Variants in CMSS1 observed in about 807,000 individuals in gnomAD.
The protein encoded by CMSS1 is protein CMSS1.
CMSS1 carries 33 observed loss-of-function variants against 43.5 expected under a neutral mutation model. That is an observed-to-expected ratio of 0.76 (90% CI 0.57 to 1.01). CMSS1 has a LOEUF of 1.01. Among genes scored for constraint, CMSS1 ranks in the 50% least tolerant of loss-of-function variants. CMSS1 has a pLI of 0.00. For synonymous variants in CMSS1, 115 were observed against 117.2 expected, an observed-to-expected ratio of 0.98 and a Z score of 0.12; for missense variants, 313 against 326.4, an observed-to-expected ratio of 0.96 and a Z score of 0.32.
At chr3:99,827,338 T>C (rs1942554523) in intron 1 of CMSS1, among the ~76,000 whole-genome samples, 1 of 152,042 alleles carries the variant, frequency 6.6e-6, no homozygotes, top group South Asian at 2.1e-4. Flanking sequence ...ATTACAGCCA[T>C]GCACCACCAA....
intron 1 of CMSS1, among the ~76,000 whole-genome samples, chr3:99,829,546 C>G (rs1942607325): frequency 6.6e-6 from 1 of 152,140 alleles, no homozygotes. Context: ...TGTGGAAACT[C>G]AAGGCTTAGA....
intron 1 of CMSS1, chr3:99,851,120 C>T (rs1285641247): frequency 7.2e-7 from 1 of 1,389,970 alleles, no homozygotes; most frequent in African/African-American, 1.4e-5. Context: ...TTTAGTAACT[C>T]ATCGAATGTA....
intron 1 of CMSS1, among the ~76,000 whole-genome samples, chr3:99,880,230 C>T (rs944544089): frequency 2.0e-5 from 3 of 151,290 alleles, no homozygotes; most frequent in Non-Finnish European, 3.0e-5. Flanking sequence ...TTTCTTCACT[C>T]TTCTTTCACT....
intron 1 of CMSS1, among the ~76,000 whole-genome samples, chr3:100,016,071 A>G (rs1710329493): frequency 6.6e-6 from 1 of 152,204 alleles, no homozygotes; most frequent in African/African-American, 2.4e-5. Flanking sequence ...TATTATTCAC[A>G]ACACTTCATT....
At chr3:99,948,189 G>T (rs2107684853) in intron 1 of CMSS1, among the ~76,000 whole-genome samples, 1 of 152,184 alleles carries the variant, frequency 6.6e-6, no homozygotes, top group Admixed American at 6.5e-5. Flanking sequence ...CTAAAACATT[G>T]CATGGTATAG....
intron 1 of CMSS1, among the ~76,000 whole-genome samples, chr3:99,837,529 T>C: frequency 6.6e-6 from 1 of 152,074 alleles, no homozygotes. Flanking sequence ...GTGTCTGTGT[T>C]GATGCAGATT....
At chr3:99,917,319 C>A (rs566866347) in intron 1 of CMSS1, among the ~76,000 whole-genome samples, 6 of 152,238 alleles carry the variant, frequency 3.9e-5, no homozygotes, top group South Asian at 2.1e-4. Context: ...ATTTTGAGTG[C>A]CTTGTCTTTT....
chr3:99,960,330 G>A (rs1708454075), intron 1 of CMSS1, among the ~76,000 whole-genome samples: 1 of 152,056 alleles, frequency 6.6e-6, no homozygotes, highest in Non-Finnish European at 1.5e-5. Context: ...GAAAACGAGG[G>A]CTCCAAAAAG....
At chr3:99,992,253 T>G (rs1709545933) in intron 1 of CMSS1, among the ~76,000 whole-genome samples, 1 of 152,112 alleles carries the variant, frequency 6.6e-6, no homozygotes, top group African/African-American at 2.4e-5. Flanking sequence ...CACACTGTTT[T>G]GCATAAAGGT....
chr3:100,157,461 A>G (rs538165629), intron 2 of CMSS1, among the ~76,000 whole-genome samples: 1 of 152,302 alleles, frequency 6.6e-6, no homozygotes, highest in African/African-American at 2.4e-5. Context: ...TTGAAGAGAG[A>G]TACACTGAAA....
chr3:99,981,340 A>G (rs1709116944), intron 1 of CMSS1, among the ~76,000 whole-genome samples: 1 of 152,166 alleles, frequency 6.6e-6, no homozygotes, highest in East Asian at 1.9e-4. Flanking sequence ...TCCTGAAATG[A>G]CTTAGGAAGA....
At chr3:99,850,791 C>T (rs964953238) in intron 1 of CMSS1, 2 of 1,614,180 alleles carry the variant, frequency 1.2e-6, no homozygotes, top group African/African-American at 2.7e-5. Context: ...TCTGCGTTTG[C>T]AGTTCCTTCT....
intron 1 of CMSS1, among the ~76,000 whole-genome samples, chr3:99,829,654 T>C (rs530575123): frequency 9.1e-4 from 138 of 152,326 alleles, no homozygotes; most frequent in African/African-American, 3.1e-3. Flanking sequence ...TGATTTTCGA[T>C]AGTGTTTATT....
intron 1 of CMSS1, chr3:99,849,385 ATC>A: frequency 6.2e-7 from 1 of 1,614,098 alleles, no homozygotes; most frequent in Non-Finnish European, 8.5e-7. Flanking sequence ...GAGGTTTTCA[ATC>A]TCTCTTCCTA....
intron 1 of CMSS1, among the ~76,000 whole-genome samples, chr3:99,845,277 A>T (rs1429884516): frequency 1.3e-5 from 2 of 152,194 alleles, no homozygotes; most frequent in Non-Finnish European, 2.9e-5. Flanking sequence ...ATTGCTTTTA[A>T]ATAGAAAAAA....
At chr3:99,871,534 C>G (rs562261258) in intron 1 of CMSS1, among the ~76,000 whole-genome samples, 1 of 152,244 alleles carries the variant, frequency 6.6e-6, no homozygotes, top group Non-Finnish European at 1.5e-5. Context: ...CATCACAGTG[C>G]ACAGTTTGAA....
At chr3:99,968,381 T>A (rs2107713330) in intron 1 of CMSS1, among the ~76,000 whole-genome samples, 1 of 152,072 alleles carries the variant, frequency 6.6e-6, no homozygotes, top group South Asian at 2.1e-4. Context: ...TCTTGTTTAC[T>A]GTTGAATAGT....
intron 4 of CMSS1, 45 bp downstream of exon 4, chr3:100,162,477 A>T (rs1391091099): frequency 6.3e-7 from 1 of 1,589,294 alleles, no homozygotes; most frequent in Admixed American, 1.7e-5. Flanking sequence ...AGCAAAACAT[A>T]AGTATCTGTT....
intron 9 of CMSS1, among the ~76,000 whole-genome samples, chr3:100,176,902 A>G (rs1352271168): frequency 6.6e-6 from 1 of 152,220 alleles, no homozygotes; most frequent in South Asian, 2.1e-4. Flanking sequence ...TTGATGTCTC[A>G]GTTGATCAGA....
Sources: allele counts gnomAD v4.1 joint callset (sites outside exome capture counted in the v4.1 genomes callset), GRCh38; gene constraint gnomAD v4.1.1; transcripts MANE v1.5; gene names NCBI Gene and HGNC (gene_info 2026-07-23, HGNC 2026-07-21).